RPA3: variants seen among roughly 807,000 people sequenced by gnomAD.
RPA3 encodes the protein replication protein A 14 kDa subunit.
A neutral mutation model predicts 13.7 loss-of-function variants in RPA3; 24 were observed. The ratio of observed to expected loss-of-function variants is 1.75; its 90% CI spans 1.27 to 2.46. The LOEUF is 2.46. Ranked by LOEUF, RPA3 falls within the 30% of genes most tolerant of loss-of-function variation. RPA3 has a pLI of 0.00. For synonymous variants in RPA3, 59 were observed against 51.2 expected (o/e 1.15, Z -0.65); for missense variants, 183 against 151.0 (o/e 1.21, Z -1.11).
chr7:7,648,233 A>C (rs1003476693), intron 4 of RPA3, among the ~76,000 whole-genome samples: 1 of 152,196 alleles, frequency 6.6e-6, no homozygotes, highest in Admixed American at 6.5e-5. Context: ...TTCCTTTCTA[A>C]GAGAGCACTA....
intron 2 of RPA3, among the ~76,000 whole-genome samples, chr7:7,709,658 A>G (rs1051376519): frequency 6.6e-6 from 1 of 152,364 alleles, no homozygotes; most frequent in Middle Eastern, 3.4e-3. Flanking sequence ...ATGTTCCTGT[A>G]TTACAATTTA....
At chr7:7,693,087 T>C (rs2115139923) in intron 2 of RPA3, among the ~76,000 whole-genome samples, 1 of 152,306 alleles carries the variant, frequency 6.6e-6, no homozygotes, top group Admixed American at 6.5e-5. Flanking sequence ...AATGAACAAG[T>C]ATTACTTGTA....
chr7:7,644,354 CTT>C lies in RPA3; in HGVS notation c.-757-3181_-757-3180del, dbSNP rs35141799. 9.2e-5 allele frequency among the ~76,000 whole-genome samples: 13 copies of C among 141,866 alleles called. 1 individual carries two copies. The highest frequency in any genetic ancestry group is 2.1e-4 in the African/African-American group (8 of 38,954). 93.1% of individuals were successfully genotyped at this position (141,866 alleles called of 152,430 possible). The stretch of plus-strand genomic sequence containing the variant: ...TTCCGTTTCCTTCCTTCATTCCATC[CTT>C]TTTTTTTTTTTATTAGGAAGACCTC... On this transcript the variant is annotated intron_variant, in intron 4 of 7. Coordinates refer to ENST00000223129, the MANE Select transcript of RPA3 (RefSeq NM_002947.5).
chr7:7,672,762 A>C (rs959656749), intron 4 of RPA3, among the ~76,000 whole-genome samples: 1 of 152,138 alleles, frequency 6.6e-6, no homozygotes, highest in African/African-American at 2.4e-5. Context: ...TTTCTTTATA[A>C]ATCACTCAGT....
chr7:7,688,294 AGTT>A (rs770329116), intron 2 of RPA3, among the ~76,000 whole-genome samples: 30 of 151,756 alleles, frequency 2.0e-4, no homozygotes, highest in Non-Finnish European at 3.5e-4. Context: ...AAGGTGGGAG[AGTT>A]GTTGTCAGGT....
At chr7:7,707,307 T>C (rs779401576) in intron 2 of RPA3, among the ~76,000 whole-genome samples, 5 of 152,150 alleles carry the variant, frequency 3.3e-5, no homozygotes, top group African/African-American at 4.8e-5. Flanking sequence ...CTCAGAAGAC[T>C]TCAGAAAATA....
intron 2 of RPA3, among the ~76,000 whole-genome samples, chr7:7,698,488 G>C (rs1045471547): frequency 1.3e-5 from 2 of 152,156 alleles, no homozygotes; most frequent in African/African-American, 4.8e-5. Flanking sequence ...AGATCCACCT[G>C]ATTTAACAAA....
intron 4 of RPA3, among the ~76,000 whole-genome samples, chr7:7,653,091 G>A (rs1041987464): frequency 3.9e-5 from 6 of 152,264 alleles, no homozygotes; most frequent in Non-Finnish European, 8.8e-5. Context: ...TATGATATTT[G>A]TTTTATGTGG....
chr7:7,638,349 A>G (rs1192493559), intron 6 of RPA3: 2 of 154,206 alleles, frequency 1.3e-5, no homozygotes, highest in Non-Finnish European at 2.9e-5. Flanking sequence ...TCTTCACAAA[A>G]TACCAAAAAA....
chr7:7,711,291 C>G (rs183563311), intron 2 of RPA3, among the ~76,000 whole-genome samples: 1 of 152,176 alleles, frequency 6.6e-6, no homozygotes, highest in Non-Finnish European at 1.5e-5. Context: ...CAACATGATG[C>G]TGTTACAAAC....
intron 2 of RPA3, among the ~76,000 whole-genome samples, chr7:7,707,800 T>A (rs1021150945): frequency 6.6e-6 from 1 of 152,204 alleles, no homozygotes; most frequent in African/African-American, 2.4e-5. Context: ...TAACTTGAAA[T>A]ATAAAGATGC....
At chr7:7,689,690 T>G (rs1022046305) in intron 2 of RPA3, among the ~76,000 whole-genome samples, 1 of 152,190 alleles carries the variant, frequency 6.6e-6, no homozygotes, top group Non-Finnish European at 1.5e-5. Context: ...AGAAGACATT[T>G]ATATTTATGT....
Position 7,640,428 on chromosome 7 carries a change from C to A in RPA3, c.-10G>T. 6.2e-7 allele frequency: 1 copy of A among 1,613,098 alleles called. No homozygotes were observed. The highest frequency in any genetic ancestry group is 1.1e-5 in the South Asian group (1 of 91,064). On this transcript the variant is annotated 5_prime_UTR_variant, in exon 5 of 8. Coordinates refer to ENST00000223129, the MANE Select transcript of RPA3 (RefSeq NM_002947.5). ...CCATCATGTCCACCATGATTATGGT[C>A]CAAGACTGCGGCTGGCGGGAAACCC...
chr7:7,693,410 A>C (rs1780228336), intron 2 of RPA3, among the ~76,000 whole-genome samples: 1 of 152,042 alleles, frequency 6.6e-6, no homozygotes, highest in Admixed American at 6.6e-5. Context: ...TTCATTCTGC[A>C]ATAGCTTAGT....
chr7:7,681,733 C>T (rs1187819659), intron 4 of RPA3, among the ~76,000 whole-genome samples: 1 of 152,098 alleles, frequency 6.6e-6, no homozygotes, highest in African/African-American at 2.4e-5. Context: ...AAGCATGGCA[C>T]TATTCGTAAT....
chr7:7,640,466 A>C lies in RPA3; in HGVS notation c.-48T>G, dbSNP rs778771917. 4.5e-6 allele frequency: 7 copies of C among 1,567,136 alleles called. No homozygotes were observed. The Admixed American group carries it at 5.0e-5, about 11-fold the overall frequency. ...TGGCGGGAAACCCACGGACGACTGA[A>C]ACTGTGCGCCCCGCGGGTGTCTATG... On this transcript the variant is annotated 5_prime_UTR_variant, in exon 5 of 8. Transcript: ENST00000223129.
chr7:7,646,888 A>G (rs558747563), intron 4 of RPA3, among the ~76,000 whole-genome samples: 4 of 152,082 alleles, frequency 2.6e-5, no homozygotes, highest in Non-Finnish European at 5.9e-5. Flanking sequence ...AATAGGGGTG[A>G]CATATTGGGC....
chr7:7,671,429 C>T (rs1164789533), intron 4 of RPA3, among the ~76,000 whole-genome samples: 2 of 152,202 alleles, frequency 1.3e-5, no homozygotes, highest in African/African-American at 4.8e-5. Flanking sequence ...TTAGTCTACA[C>T]TGAGGTTTTA....
chr7:7,665,229 G>C (rs773990176), intron 4 of RPA3, among the ~76,000 whole-genome samples: 6 of 152,122 alleles, frequency 3.9e-5, no homozygotes, highest in African/African-American at 7.2e-5. Context: ...GGAGTAATAG[G>C]AAAAAAGAAA....
Sources: allele counts gnomAD v4.1 joint callset (sites outside exome capture counted in the v4.1 genomes callset), GRCh38; gene constraint gnomAD v4.1.1; transcripts MANE v1.5; gene names NCBI Gene and HGNC (gene_info 2026-07-23, HGNC 2026-07-21).